NAA25: variants seen among roughly 807,000 people sequenced by gnomAD.
NAA25 encodes the protein N-terminal acetyltransferase B complex subunit NAA25.
Under a neutral mutation model 132.5 loss-of-function variants are expected in NAA25, and 30 were observed. That is an observed-to-expected ratio of 0.23 (90% confidence interval 0.17 to 0.31). NAA25 has a LOEUF of 0.31. Ranked by LOEUF, NAA25 falls within the 10% of genes least tolerant of loss-of-function variation. NAA25 has a pLI of 1.00. For synonymous variants in NAA25, 359 were observed against 401.9 expected, an observed-to-expected ratio of 0.89 and a Z score of 1.28; for missense variants, 771 against 1,150.4, an observed-to-expected ratio of 0.67 and a Z score of 4.77.
chr12:112,091,192 G>A (rs1375354526), intron 2 of NAA25, among the ~76,000 whole-genome samples: 1 of 151,554 alleles, frequency 6.6e-6, no homozygotes, highest in African/African-American at 2.4e-5. Context: ...AGCCCGGGAG[G>A]TTGATCACGT....
In NAA25 at chr12:112,078,833, T is replaced by C. The variant is rs3741992; in HGVS notation, c.478-92A>G. On this transcript the variant is annotated intron_variant, in intron 5 of 23. Coordinates refer to ENST00000261745, the MANE Select transcript of NAA25 (RefSeq NM_024953.4). ...TGTTAATTGGGCACATAATTATCAA[T>C]CCACCATGTCAAATATCAGACCTAA... 0.047 allele frequency: 47,162 copies of C among 996,982 alleles called. 9,697 individuals are homozygous for C. In the East Asian group the frequency reaches 0.64, roughly 13 times the overall value. 61.8% of individuals were successfully genotyped at this position (996,982 alleles called of 1,614,324 possible).
chr12:112,076,766 C>T (rs927042141), intron 7 of NAA25, among the ~76,000 whole-genome samples: 2 of 151,602 alleles, frequency 1.3e-5, no homozygotes, highest in African/African-American at 4.8e-5. Flanking sequence ...GAGGCTGAAG[C>T]AGGCAGATCG....
intron 3 of NAA25, among the ~76,000 whole-genome samples, chr12:112,088,325 T>G (rs980397373): frequency 4.9e-5 from 7 of 142,976 alleles, no homozygotes; most frequent in Non-Finnish European, 9.1e-5. Flanking sequence ...TAGTTTTTTT[T>G]TTTTTTTTTT....
At position 112,043,816 on chromosome 12, in the gene NAA25, A is replaced by C. The variant is rs774223073; in HGVS notation, c.2059T>G (p.Leu687Val). The change falls in exon 18 of 24, where the codon TTA becomes GTA. Residue 687 changes from leucine to valine, a missense_variant. Leu to Val is a conservative substitution (Grantham distance 32). This residue lies in a region of NAA25 where 324 missense variants were observed against 400.0 expected (regional missense o/e 0.81). Transcript: ENST00000261745. ...KLSLEEETLW[L>V]RIRSLTLRLI... is the part of the protein sequence containing the mutation. The stretch of plus-strand genomic sequence containing the variant: ...CTCAATGTTAAGGATCGGATTCTTA[A>C]CCACAAGGTCTCCTCCTCTAAGGAA... 1.9e-6 allele frequency: 3 copies of C among 1,614,162 alleles called. No individual in the cohort carries two copies. The East Asian group carries it at 6.7e-5, about 36-fold the overall frequency.
At chr12:112,048,255 T>A (rs1249480745) in intron 16 of NAA25, 37 bp downstream of exon 16, 6 of 1,588,848 alleles carry the variant, frequency 3.8e-6, no homozygotes, top group Admixed American at 1.7e-5. Context: ...ACTGATCTAA[T>A]CCCTTAGTTC....
chr12:112,044,590 A>T (rs1051253618), intron 17 of NAA25, among the ~76,000 whole-genome samples: 2 of 151,998 alleles, frequency 1.3e-5, no homozygotes, highest in Non-Finnish European at 2.9e-5. Context: ...GAATGGCATG[A>T]ACCAGGGAGG....
At chr12:112,040,885 G>A (rs1021509620) in intron 20 of NAA25, among the ~76,000 whole-genome samples, 2 of 152,180 alleles carry the variant, frequency 1.3e-5, no homozygotes, top group Non-Finnish European at 2.9e-5. Context: ...GACTCTAAGT[G>A]AATGATTCAG....
intron 7 of NAA25, 46 bp downstream of exon 7, chr12:112,078,142 T>A: frequency 7.3e-7 from 1 of 1,364,626 alleles, no homozygotes; most frequent in African/African-American, 1.5e-5. Context: ...TTTTTCATGT[T>A]TAAATAGGAA....
At position 112,092,414 on chromosome 12, in the gene NAA25, C is replaced by T. The variant is rs536164913; in HGVS notation, c.144+637G>A. On this transcript the variant is annotated intron_variant, in intron 2 of 23. Coordinates refer to ENST00000261745, the MANE Select transcript of NAA25 (RefSeq NM_024953.4). ...CTGAGGCAGGAGGATCACCTGAGGTCGGGAGTTTGAGACCAGCCCGACCAA... is the reference window on the plus strand; with the variant it reads ...CTGAGGCAGGAGGATCACCTGAGGTTGGGAGTTTGAGACCAGCCCGACCAA... Among the ~76,000 whole-genome samples, 11 of 152,200 alleles carry T rather than the reference C, an allele frequency of 7.2e-5. No individual in the cohort carries two copies. In the South Asian group the frequency reaches 1.4e-3, roughly 20 times the overall value.
intron 10 of NAA25, 130 bp from the exon 11 acceptor site, chr12:112,069,122 G>A (rs1235550293): frequency 2.4e-5 from 15 of 614,628 alleles, no homozygotes; most frequent in African/African-American, 9.3e-5. Flanking sequence ...CCAAGATAGC[G>A]GGTTATCTCA....
intron 1 of NAA25, among the ~76,000 whole-genome samples, chr12:112,104,014 TCA>T (rs1203900078): frequency 6.6e-6 from 1 of 151,984 alleles, no homozygotes; most frequent in Non-Finnish European, 1.5e-5. Context: ...CAGACCAGTA[TCA>T]CACACCATCC....
intron 1 of NAA25, among the ~76,000 whole-genome samples, chr12:112,102,471 T>C (rs533705413): frequency 1.3e-5 from 2 of 152,358 alleles, no homozygotes; most frequent in African/African-American, 4.8e-5. Context: ...AGAATATTTT[T>C]GTGCACTAAA....
chr12:112,062,883 A>C (rs80190218), intron 11 of NAA25, among the ~76,000 whole-genome samples: 14,401 of 151,864 alleles, frequency 0.095, 758 homozygotes, highest in East Asian at 0.23. Context: ...CTCTACTAAA[A>C]AAACAAACAA....
At chr12:112,084,983 G>A (rs559468744) in intron 4 of NAA25, among the ~76,000 whole-genome samples, 10 of 151,906 alleles carry the variant, frequency 6.6e-5, no homozygotes, top group African/African-American at 2.2e-4. Flanking sequence ...TGTAATCCCA[G>A]CACTTTGGGA....
At position 112,051,689 on chromosome 12, in the gene NAA25, T is replaced by C. The variant is rs188944357; in HGVS notation, c.1728+1869A>G. On this transcript the variant is annotated intron_variant, in intron 15 of 23. Coordinates refer to ENST00000261745, the MANE Select transcript of NAA25 (RefSeq NM_024953.4). ...CATACATTCAGATGAATTAGTCACT[T>C]TTGCCACACACAACCATCAGCAAAA... Among the ~76,000 whole-genome samples the C allele has an allele frequency of 2.0e-5, 3 of 152,276 alleles. No individual in the cohort carries two copies. The East Asian group carries it at 5.8e-4, about 29-fold the overall frequency.
intron 17 of NAA25, among the ~76,000 whole-genome samples, chr12:112,044,597 G>A (rs995936811): frequency 2.6e-5 from 4 of 151,958 alleles, no homozygotes; most frequent in Non-Finnish European, 4.4e-5. Flanking sequence ...ATGAACCAGG[G>A]AGGCGGAGCT....
In NAA25 at chr12:112,027,492, CAAAG is replaced by C. The variant is rs956185494; in HGVS notation, c.*2035_*2038del. ...ATTTAGTAGGAAAATCAGCAAATAA[CAAAG>C]GAAGCATAACCTCAACATAACATTA... On this transcript the variant is annotated 3_prime_UTR_variant, in exon 24 of 24. Transcript: ENST00000261745. 6.6e-6 allele frequency: 1 copy of C among 152,426 alleles called. No individual in the cohort carries two copies. The highest frequency in any genetic ancestry group is 1.9e-4 in the East Asian group (1 of 5,192). 9.4% of individuals were successfully genotyped at this position (152,426 alleles called of 1,614,324 possible). A position where few individuals can be genotyped will look rare whatever the true frequency, so the allele number is the denominator to read the frequency against.
chr12:112,040,385 A>G, intron 21 of NAA25, 96 bp downstream of exon 21: 1 of 636,950 alleles, frequency 1.6e-6, no homozygotes, highest in Non-Finnish European at 2.7e-6. Context: ...GTTAAGTTAC[A>G]GGTATAAGGT....
At chr12:112,106,391 TAA>T (rs61309313) in intron 1 of NAA25, among the ~76,000 whole-genome samples, 1 of 146,006 alleles carries the variant, frequency 6.8e-6, no homozygotes, top group Non-Finnish European at 1.5e-5. Flanking sequence ...GTTTTTAGTT[TAA>T]AAAAAAAAAA....
Sources: allele counts gnomAD v4.1 joint callset (sites outside exome capture counted in the v4.1 genomes callset), GRCh38; gene constraint gnomAD v4.1.1; regional missense constraint gnomAD v4.1.1; transcripts MANE v1.5; gene names NCBI Gene and HGNC (gene_info 2026-07-23, HGNC 2026-07-21).